DLGAP2: variants seen among roughly 807,000 people sequenced by gnomAD.
DLGAP2 encodes disks large-associated protein 2.
In DLGAP2, 26 loss-of-function variants were observed where a neutral mutation model predicts 100.3. That is an observed-to-expected ratio of 0.26 (90% CI 0.19 to 0.36). The LOEUF is 0.36. DLGAP2 is among the 10% of genes least tolerant of loss of function. The probability of loss-of-function intolerance (pLI) is 1.00; values close to 1 mark genes in which losing one functional copy is unlikely to be tolerated. For synonymous variants in DLGAP2, 886 were observed against 630.1 expected, an observed-to-expected ratio of 1.41 and a Z score of -6.08; for missense variants, 1,858 against 1,453.2, an observed-to-expected ratio of 1.28 and a Z score of -4.53.
chr8:1,337,106 A>G (rs1393923189), intron 3 of DLGAP2, among the ~76,000 whole-genome samples: 1 of 152,056 alleles, frequency 6.6e-6, no homozygotes, highest in Non-Finnish European at 1.5e-5. Context: ...GGTGAAGAAG[A>G]AATAGATAAT....
At chr8:959,792 A>G (rs181011836) in intron 2 of DLGAP2, among the ~76,000 whole-genome samples, 18 of 152,352 alleles carry the variant, frequency 1.2e-4, no homozygotes, top group Non-Finnish European at 5.9e-5. Flanking sequence ...AGGAGAGAAT[A>G]TGACTATATT....
chr8:1,102,488 G>A (rs749441573), intron 2 of DLGAP2, among the ~76,000 whole-genome samples: 96 of 151,828 alleles, frequency 6.3e-4, no homozygotes, highest in Non-Finnish European at 5.1e-4. Context: ...AATGAGAAAC[G>A]CACGCTATTC....
chr8:894,068 G>A (rs1470898816), intron 1 of DLGAP2, among the ~76,000 whole-genome samples: 2 of 152,186 alleles, frequency 1.3e-5, no homozygotes, highest in East Asian at 3.9e-4. Flanking sequence ...TTCCCCTCGT[G>A]CGTGAGACGT....
intron 3 of DLGAP2, among the ~76,000 whole-genome samples, chr8:1,289,059 C>T (rs915042763): frequency 3.9e-5 from 6 of 152,104 alleles, no homozygotes; most frequent in Non-Finnish European, 8.8e-5. Context: ...CAGATAGAGC[C>T]GGTATTGCTT....
intron 3 of DLGAP2, among the ~76,000 whole-genome samples, chr8:1,382,809 T>C (rs1338042084): frequency 6.6e-6 from 1 of 152,216 alleles, no homozygotes; most frequent in Non-Finnish European, 1.5e-5. Flanking sequence ...AGAAGCCATA[T>C]TGAATGCTTC....
rs1235472640 is a variant in DLGAP2, at chr8:1,442,139, T to C, written c.107-59227T>C. On this transcript the variant is annotated intron_variant, in intron 3 of 14. Coordinates refer to ENST00000637795, the MANE Select transcript of DLGAP2 (RefSeq NM_001346810.2). ...GAGACAGATCCAGGCATAGACCCTC[T>C]GGGCTGCTGTGGGTTCAGCCACTGG... Among the ~76,000 whole-genome samples, 5 of 152,110 alleles carry C rather than the reference T, an allele frequency of 3.3e-5. No individual in the cohort carries two copies. In the South Asian group the frequency reaches 1.0e-3, roughly 32 times the overall value.
intron 4 of DLGAP2, among the ~76,000 whole-genome samples, chr8:1,517,066 A>G (rs555097565): frequency 1.3e-5 from 2 of 152,084 alleles, no homozygotes; most frequent in African/African-American, 4.8e-5. Flanking sequence ...GTTCAGTAGA[A>G]TCACCCCATC....
intron 6 of DLGAP2, among the ~76,000 whole-genome samples, chr8:1,583,362 C>T (rs1191737512): frequency 6.6e-6 from 1 of 152,138 alleles, no homozygotes; most frequent in Non-Finnish European, 1.5e-5. Flanking sequence ...GCCCATGAGC[C>T]TGCCCTGGGA....
At chr8:1,598,219 T>G (rs1308521700) in intron 6 of DLGAP2, among the ~76,000 whole-genome samples, 2 of 152,232 alleles carry the variant, frequency 1.3e-5, no homozygotes, top group African/African-American at 4.8e-5. Context: ...GAAGCCGACT[T>G]GATCGTGGTG....
rs192769667 is a variant in DLGAP2 at position 878,329 on chromosome 8, C to A, written c.19-29583C>A. 1.2e-4 allele frequency among the ~76,000 whole-genome samples: 18 copies of A among 152,198 alleles called. No individual in the cohort carries two copies. In the East Asian group the frequency reaches 3.5e-3, roughly 29 times the overall value. On this transcript the variant is annotated intron_variant, in intron 1 of 14. Transcript: ENST00000637795. ...GATCCATGGGACCCTCTGAATGTAA[C>A]GGAAATCAGAGAGGAACACACGGTA...
At chr8:761,297 A>T (rs1821076865) in intron 1 of DLGAP2, among the ~76,000 whole-genome samples, 1 of 152,012 alleles carries the variant, frequency 6.6e-6, no homozygotes, top group Non-Finnish European at 1.5e-5. Flanking sequence ...TTTCTTTCTG[A>T]ACTCCTTTAC....
intron 2 of DLGAP2, among the ~76,000 whole-genome samples, chr8:1,120,996 C>G (rs1164996599): frequency 6.6e-6 from 1 of 151,412 alleles, no homozygotes; most frequent in Non-Finnish European, 1.5e-5. Flanking sequence ...AACCCAAGAC[C>G]TCCCATCCTT....
At chr8:779,776 G>A (rs1361314558) in intron 1 of DLGAP2, among the ~76,000 whole-genome samples, 1 of 152,086 alleles carries the variant, frequency 6.6e-6, no homozygotes, top group Non-Finnish European at 1.5e-5. Context: ...ACATTTCTCT[G>A]TGTCATTTGC....
At chr8:1,476,165 C>T (rs192066471) in intron 3 of DLGAP2, among the ~76,000 whole-genome samples, 17 of 152,298 alleles carry the variant, frequency 1.1e-4, no homozygotes, top group African/African-American at 4.1e-4. Context: ...TGACTCCCAC[C>T]GACTTCATGA....
At chr8:1,627,455 C>G (rs79158454) in intron 7 of DLGAP2, among the ~76,000 whole-genome samples, 1 of 152,176 alleles carries the variant, frequency 6.6e-6, no homozygotes. Flanking sequence ...AAGGGAGGCC[C>G]CCCTGCTCCC....
chr8:1,570,163 A>G (rs1164737295), intron 6 of DLGAP2, among the ~76,000 whole-genome samples: 2 of 152,134 alleles, frequency 1.3e-5, no homozygotes, highest in African/African-American at 4.8e-5. Flanking sequence ...CATCATAGGG[A>G]CCTCAGATTA....
chr8:1,445,741 T>G (rs2130087031), intron 3 of DLGAP2, among the ~76,000 whole-genome samples: 1 of 152,318 alleles, frequency 6.6e-6, no homozygotes, highest in Non-Finnish European at 1.5e-5. Context: ...CCACATCCTC[T>G]CCAGCACCTG....
At chr8:836,316 G>T (rs1314480732) in intron 1 of DLGAP2, among the ~76,000 whole-genome samples, 1 of 152,220 alleles carries the variant, frequency 6.6e-6, no homozygotes, top group Admixed American at 6.5e-5. Context: ...CAGCCATCGG[G>T]TGAGAAGATA....
At chr8:913,242 A>C (rs914872914) in intron 2 of DLGAP2, among the ~76,000 whole-genome samples, 6 of 152,230 alleles carry the variant, frequency 3.9e-5, no homozygotes, top group African/African-American at 1.2e-4. Context: ...TTGGAGGTTT[A>C]GTTCAAAACG....
Sources: allele counts gnomAD v4.1 joint callset (sites outside exome capture counted in the v4.1 genomes callset), GRCh38; gene constraint gnomAD v4.1.1; transcripts MANE v1.5; gene names NCBI Gene and HGNC (gene_info 2026-07-23, HGNC 2026-07-21).